Variants in ADARB2 observed in about 807,000 individuals in gnomAD.
ADARB2 encodes inactive double-stranded RNA-specific editase B2.
A neutral mutation model predicts 62.2 loss-of-function variants in ADARB2; 25 were observed. That is an observed-to-expected ratio of 0.40 (90% confidence interval 0.29 to 0.56). The LOEUF (loss-of-function observed/expected upper bound fraction) is 0.56, where lower values mean the gene tolerates loss of function less well. Ranked by LOEUF, ADARB2 falls within the 20% of genes least tolerant of loss-of-function variation. The probability of loss-of-function intolerance (pLI) is 0.43; values close to 1 mark genes in which losing one functional copy is unlikely to be tolerated. For missense variants in ADARB2, 1,071 were observed against 1,077.4 expected (o/e 0.99, Z 0.08); for synonymous variants, 572 against 500.8 (o/e 1.14, Z -1.90).
At chr10:1,706,560 C>A (rs879464976) in intron 1 of ADARB2, among the ~76,000 whole-genome samples, 2 of 152,202 alleles carry the variant, frequency 1.3e-5, no homozygotes, top group Non-Finnish European at 1.5e-5. Flanking sequence ...AGAGTATTTT[C>A]GGTACCTTTT....
At chr10:1,344,777 A>G (rs564155704) in intron 3 of ADARB2, among the ~76,000 whole-genome samples, 1 of 152,306 alleles carries the variant, frequency 6.6e-6, no homozygotes, top group South Asian at 2.1e-4. Context: ...GGGGCCCCAA[A>G]TAAACCAGGA....
chr10:1,436,677 A>G (rs1431201616), intron 1 of ADARB2, among the ~76,000 whole-genome samples: 1 of 152,204 alleles, frequency 6.6e-6, no homozygotes, highest in Non-Finnish European at 1.5e-5. Flanking sequence ...TCCCTCGGGG[A>G]GAAGCTACCT....
At chr10:1,217,904 C>A (rs1227041441) in intron 6 of ADARB2, among the ~76,000 whole-genome samples, 1 of 152,126 alleles carries the variant, frequency 6.6e-6, no homozygotes, top group African/African-American at 2.4e-5. Flanking sequence ...CTGTGGGTCC[C>A]TCAGGTGTTC....
At chr10:1,241,582 C>CT (rs1830924200) in intron 5 of ADARB2, among the ~76,000 whole-genome samples, 1 of 152,180 alleles carries the variant, frequency 6.6e-6, no homozygotes, top group East Asian at 1.9e-4. Flanking sequence ...TTGCTCCTCT[C>CT]TAAAGTGTCT....
chr10:1,508,706 G>A (rs1023119926), intron 1 of ADARB2, among the ~76,000 whole-genome samples: 3 of 152,212 alleles, frequency 2.0e-5, no homozygotes, highest in African/African-American at 7.2e-5. Context: ...TTGAATCCGG[G>A]AGGCGGAGGT....
chr10:1,403,653 C>T (rs112930983), intron 1 of ADARB2, among the ~76,000 whole-genome samples: 2,873 of 152,240 alleles, frequency 0.019, 37 homozygotes, highest in Middle Eastern at 0.044. Context: ...ACCGTGGCCC[C>T]GGGCGTAGCT....
At chr10:1,623,426 A>G (rs1833731098) in intron 1 of ADARB2, among the ~76,000 whole-genome samples, 1 of 152,240 alleles carries the variant, frequency 6.6e-6, no homozygotes, top group Non-Finnish European at 1.5e-5. Context: ...CTAGAATGGC[A>G]CTTACTTGAT....
At chr10:1,230,418 A>G (rs1487243336) in intron 6 of ADARB2, among the ~76,000 whole-genome samples, 1 of 152,188 alleles carries the variant, frequency 6.6e-6, no homozygotes, top group Non-Finnish European at 1.5e-5. Context: ...GCCCTTGGCT[A>G]GCCCTGGAGG....
At chr10:1,420,612 G>GAAAA (rs869094551) in intron 1 of ADARB2, among the ~76,000 whole-genome samples, 2 of 120,456 alleles carry the variant, frequency 1.7e-5, no homozygotes, top group African/African-American at 3.4e-5. Flanking sequence ...CAGAAAGAGG[G>GAAAA]AAAAAAAAAA....
At chr10:1,494,682 T>A (rs528312995) in intron 1 of ADARB2, among the ~76,000 whole-genome samples, 2 of 152,060 alleles carry the variant, frequency 1.3e-5, no homozygotes, top group Non-Finnish European at 1.5e-5. Flanking sequence ...CATTTTAGAG[T>A]GATTAAATAA....
At chr10:1,733,196 G>A (rs112721358) in intron 1 of ADARB2, among the ~76,000 whole-genome samples, 1 of 152,104 alleles carries the variant, frequency 6.6e-6, no homozygotes, top group East Asian at 1.9e-4. Context: ...TTGACACGCC[G>A]CTTCTAAAAC....
At chr10:1,616,279 C>T (rs1277846202) in intron 1 of ADARB2, among the ~76,000 whole-genome samples, 1 of 152,204 alleles carries the variant, frequency 6.6e-6, no homozygotes, top group African/African-American at 2.4e-5. Context: ...CTTTGTATTT[C>T]TCTTCTGTTG....
intron 1 of ADARB2, among the ~76,000 whole-genome samples, chr10:1,606,205 TCTGGG>T (rs1380252677): frequency 6.6e-6 from 1 of 152,186 alleles, no homozygotes; most frequent in African/African-American, 2.4e-5. Flanking sequence ...CCAGCACCTT[TCTGGG>T]GGCCTACAGT....
chr10:1,636,049 G>T (rs771237223), intron 1 of ADARB2, among the ~76,000 whole-genome samples: 5 of 152,004 alleles, frequency 3.3e-5, no homozygotes, highest in Non-Finnish European at 5.9e-5. Flanking sequence ...TGGCTCTGAG[G>T]CACGTTTTTG....
chr10:1,273,538 A>G (rs1831284531), intron 3 of ADARB2, among the ~76,000 whole-genome samples: 1 of 152,168 alleles, frequency 6.6e-6, no homozygotes, highest in African/African-American at 2.4e-5. Flanking sequence ...GTTCTCCCCT[A>G]GAAGGCTGGC....
intron 2 of ADARB2, among the ~76,000 whole-genome samples, chr10:1,372,477 A>T (rs552618539): frequency 0.15 from 1,765 of 12,164 alleles, 36 homozygotes; most frequent in East Asian, 0.5. Context: ...AATTAAATTA[A>T]AAAAAAGTTT....
Position 1,183,132 on chromosome 10 carries a change from C to T in ADARB2, c.*61G>A. Reference sequence around the variant, plus strand: ...AACCGGCCGACCCGCCACGTCGCCCCCCAGACACGGTCCCATCCCTCCAGC... The same window carrying T: ...AACCGGCCGACCCGCCACGTCGCCCTCCAGACACGGTCCCATCCCTCCAGC... On this transcript the variant is annotated 3_prime_UTR_variant, in exon 10 of 10. Coordinates refer to ENST00000381312, the MANE Select transcript of ADARB2 (RefSeq NM_018702.4). The T allele has an allele frequency of 1.3e-6, 2 of 1,570,258 alleles. No homozygotes were observed. Among genetic ancestry groups the T allele is most frequent in the South Asian group, 1.1e-5 (1 of 87,546 alleles).
At chr10:1,546,684 G>C (rs1320003042) in intron 1 of ADARB2, among the ~76,000 whole-genome samples, 1 of 152,246 alleles carries the variant, frequency 6.6e-6, no homozygotes. Flanking sequence ...CCACGTCCCG[G>C]CTGGAGGATG....
chr10:1,227,753 A>G (rs930344077), intron 6 of ADARB2, among the ~76,000 whole-genome samples: 2 of 152,246 alleles, frequency 1.3e-5, no homozygotes, highest in African/African-American at 4.8e-5. Context: ...GAAACAAACC[A>G]CAGGCATGAG....
Sources: gnomAD v4.1 joint callset for allele counts (sites outside exome capture counted in the v4.1 genomes callset) on GRCh38, gnomAD v4.1.1 for gene constraint, MANE v1.5 for transcripts, NCBI Gene and HGNC (gene_info 2026-07-23, HGNC 2026-07-21) for gene names.